Variants in NT5C2 observed in about 807,000 individuals in gnomAD.
NT5C2 encodes the protein 5'-nucleotidase, cytosolic II.
A neutral mutation model predicts 76.1 loss-of-function variants in NT5C2; 58 were observed. That is an observed-to-expected ratio of 0.76 (90% CI 0.62 to 0.95). NT5C2 has a LOEUF of 0.95. NT5C2 is among the 40% of genes least tolerant of loss of function. NT5C2 has a pLI of 0.00. For missense variants in NT5C2, 478 were observed against 690.3 expected (o/e 0.69, Z 3.45); for synonymous variants, 229 against 237.4 (o/e 0.96, Z 0.32).
At chr10:103,114,468 A>C (rs567882875) in intron 4 of NT5C2, among the ~76,000 whole-genome samples, 1 of 152,162 alleles carries the variant, frequency 6.6e-6, no homozygotes, top group Admixed American at 6.5e-5. Flanking sequence ...AAATAAACAA[A>C]AACTCTTTCA....
At chr10:103,114,151 A>C (rs1401049752) in intron 4 of NT5C2, among the ~76,000 whole-genome samples, 2 of 152,214 alleles carry the variant, frequency 1.3e-5, no homozygotes. Flanking sequence ...TTGGTGGCTC[A>C]CGCCTGTAAT....
At chr10:103,170,417 G>A (rs1591712556) in intron 3 of NT5C2, among the ~76,000 whole-genome samples, 3 of 151,682 alleles carry the variant, frequency 2.0e-5, no homozygotes, top group South Asian at 2.1e-4. Flanking sequence ...ATGAAAGAAC[G>A]TAGGGTACAG....
rs144373677 is a variant in NT5C2 at position 103,182,248 on chromosome 10, C to T, written c.-168-920G>A. ...CACATGGCAATTTGAATCAAATATT[C>T]ATTTTTCAATGGAATAAGTATGTCA... is the stretch of plus-strand genomic sequence containing the variant. On this transcript the variant is annotated intron_variant, in intron 1 of 18. Transcript: ENST00000404739. 9.2e-5 allele frequency among the ~76,000 whole-genome samples: 14 copies of T among 152,204 alleles called. No homozygotes were observed. In the East Asian group the frequency reaches 2.7e-3, roughly 29 times the overall value.
rs908428664 is a variant in NT5C2, at chr10:103,090,113, G to A, written c.1450-205C>T. The A allele has an allele frequency of 4.9e-5, 22 of 452,640 alleles. No homozygotes were observed. In the East Asian group the frequency reaches 5.9e-4, roughly 12 times the overall value. 28.0% of individuals were successfully genotyped at this position (452,640 alleles called of 1,614,324 possible). The stretch of plus-strand genomic sequence containing the variant: ...TGCCCCTCAAAATGGTGCCCATATT[G>A]TCTACTGCAGCTGGAAATTGGAAAA... On this transcript the variant is annotated intron_variant, in intron 18 of 18. Transcript: ENST00000404739.
intron 4 of NT5C2, among the ~76,000 whole-genome samples, chr10:103,114,811 G>A (rs925985296): frequency 1.3e-5 from 2 of 152,064 alleles, no homozygotes; most frequent in East Asian, 1.9e-4. Flanking sequence ...CCCTATAATC[G>A]TCTGAATCTG....
chr10:103,152,743 TA>T (rs1236613381), intron 3 of NT5C2, among the ~76,000 whole-genome samples: 1 of 152,146 alleles, frequency 6.6e-6, no homozygotes, highest in African/African-American at 2.4e-5. Flanking sequence ...GAATCAGTAA[TA>T]ATTCAGACTC....
At position 103,181,942 on chromosome 10, in the gene NT5C2, G is replaced by A. The variant is rs573416125; in HGVS notation, c.-168-614C>T. Among the ~76,000 whole-genome samples, 13 of 151,908 alleles carry A rather than the reference G, an allele frequency of 8.6e-5. No individual in the cohort carries two copies. The South Asian group carries it at 1.0e-3, about 12-fold the overall frequency. The stretch of plus-strand genomic sequence containing the variant: ...GAATTGCTTCTCCCACCCGGGAGGC[G>A]GAGGTTGAAGTGAGCTGAGACTGCG... On this transcript the variant is annotated intron_variant, in intron 1 of 18. Coordinates refer to ENST00000404739, the MANE Select transcript of NT5C2 (RefSeq NM_001351169.2).
chr10:103,185,294 G>A (rs1177279372), intron 1 of NT5C2, among the ~76,000 whole-genome samples: 4 of 151,688 alleles, frequency 2.6e-5, no homozygotes, highest in Non-Finnish European at 5.9e-5. Context: ...TTTACATTCA[G>A]ACGATATATA....
intron 5 of NT5C2, 64 bp downstream of exon 5, chr10:103,106,525 A>T (rs1403973184): frequency 2.1e-6 from 2 of 969,754 alleles, no homozygotes; most frequent in African/African-American, 3.2e-5. Context: ...TGGAATGTCT[A>T]ATTTGAGGGG....
At chr10:103,111,035 G>A (rs1018854898) in intron 4 of NT5C2, among the ~76,000 whole-genome samples, 2 of 151,982 alleles carry the variant, frequency 1.3e-5, no homozygotes, top group African/African-American at 4.8e-5. Context: ...ATATTTATAG[G>A]AAACCACATA....
intron 3 of NT5C2, among the ~76,000 whole-genome samples, chr10:103,166,790 C>G (rs1032591283): frequency 2.0e-5 from 3 of 151,772 alleles, no homozygotes; most frequent in African/African-American, 4.8e-5. Context: ...GTAGCTAGGA[C>G]GACAGGTGCA....
At chr10:103,100,081 A>G in intron 8 of NT5C2, 62 bp from the exon 9 acceptor site, 2 of 1,142,946 alleles carry the variant, frequency 1.7e-6, no homozygotes, top group Non-Finnish European at 2.6e-6. Context: ...AATATATATC[A>G]AAAATTTCCC....
At chr10:103,165,264 C>T (rs1216455604) in intron 3 of NT5C2, among the ~76,000 whole-genome samples, 1 of 152,046 alleles carries the variant, frequency 6.6e-6, no homozygotes, top group Admixed American at 6.6e-5. Context: ...GAGGCCAAGG[C>T]GGGTGGATCA....
chr10:103,140,741 A>G (rs1355477209), intron 3 of NT5C2, among the ~76,000 whole-genome samples: 3 of 152,188 alleles, frequency 2.0e-5, no homozygotes, highest in Non-Finnish European at 2.9e-5. Context: ...GTATGAGATG[A>G]TATCTCATTG....
intron 3 of NT5C2, among the ~76,000 whole-genome samples, chr10:103,148,195 G>T (rs971317205): frequency 6.6e-6 from 1 of 152,224 alleles, no homozygotes; most frequent in African/African-American, 2.4e-5. Flanking sequence ...CAGACATCTA[G>T]TAGCATTAGT....
intron 2 of NT5C2, among the ~76,000 whole-genome samples, chr10:103,178,933 C>T (rs1166740926): frequency 1.5e-5 from 2 of 135,114 alleles, no homozygotes; most frequent in East Asian, 2.1e-4. Context: ...TATTCCTCTA[C>T]GTTTTCTTTT....
chr10:103,171,519 T>C (rs1694184097), intron 3 of NT5C2, among the ~76,000 whole-genome samples: 2 of 152,202 alleles, frequency 1.3e-5, no homozygotes, highest in Non-Finnish European at 2.9e-5. Context: ...CATGCAACTT[T>C]TTAGCACTGC....
intron 6 of NT5C2, among the ~76,000 whole-genome samples, chr10:103,102,995 A>G (rs1265827541): frequency 6.6e-6 from 1 of 152,130 alleles, no homozygotes; most frequent in Non-Finnish European, 1.5e-5. Context: ...AGAAAATTCA[A>G]GGTTTAAAAG....
At chr10:103,123,833 C>T (rs920141570) in intron 4 of NT5C2, among the ~76,000 whole-genome samples, 1 of 150,250 alleles carries the variant, frequency 6.7e-6, no homozygotes, top group African/African-American at 2.5e-5. Flanking sequence ...CCAAAAAACT[C>T]AAGCCTTCGA....
Sources: allele counts gnomAD v4.1 joint callset (sites outside exome capture counted in the v4.1 genomes callset), GRCh38; gene constraint gnomAD v4.1.1; transcripts MANE v1.5; gene names NCBI Gene and HGNC (gene_info 2026-07-23, HGNC 2026-07-21).